Variants in EPHB2 observed in about 807,000 individuals in gnomAD.
EPHB2 encodes ephrin type-B receptor 2.
Under a neutral mutation model 96.4 loss-of-function variants are expected in EPHB2, and 18 were observed. The observed-to-expected ratio is 0.19, with a 90% CI of 0.13 to 0.28. EPHB2 has a LOEUF of 0.28. Among genes scored for constraint, EPHB2 ranks in the 10% least tolerant of loss-of-function variants. EPHB2 has a pLI of 1.00. For synonymous variants in EPHB2, 506 were observed against 534.1 expected, an observed-to-expected ratio of 0.95 and a Z score of 0.72; for missense variants, 989 against 1,355.4, an observed-to-expected ratio of 0.73 and a Z score of 4.25.
At chr1:22,801,765 T>G (rs1172112146) in intron 3 of EPHB2, among the ~76,000 whole-genome samples, 1 of 152,100 alleles carries the variant, frequency 6.6e-6, no homozygotes, top group African/African-American at 2.4e-5. Flanking sequence ...GGGCAGCCCC[T>G]CGTGGGGTCC....
At chr1:22,771,423 G>A (rs80219399) in intron 1 of EPHB2, among the ~76,000 whole-genome samples, 2 of 152,320 alleles carry the variant, frequency 1.3e-5, no homozygotes, top group Non-Finnish European at 2.9e-5. Context: ...ACAGCACCTC[G>A]AGTGCCAACT....
rs954635962 is a variant in EPHB2, at chr1:22,860,770, C to T, written c.812-2267C>T. Among the ~76,000 whole-genome samples the T allele has an allele frequency of 3.3e-5, 5 of 152,168 alleles. No homozygotes were observed. Among genetic ancestry groups the T allele is most frequent in the African/African-American group, 9.7e-5 (4 of 41,428 alleles). ...CTGGAAGCCTTGTGCCCCCATTCTG[C>T]AGAGGAGGAAACCCGTTCAGAGAGG... On this transcript the variant is annotated intron_variant, in intron 3 of 15. Coordinates refer to ENST00000374630, the MANE Select transcript of EPHB2 (RefSeq NM_017449.5). This position sits in a 1 kb window ranked among gnomAD's most constrained non-coding sequence, Gnocchi z 4.6.
intron 5 of EPHB2, among the ~76,000 whole-genome samples, chr1:22,873,805 T>C (rs1160911558): frequency 6.6e-6 from 1 of 152,186 alleles, no homozygotes; most frequent in Non-Finnish European, 1.5e-5. Flanking sequence ...GCCCTCCCTT[T>C]TAAGGAAACT....
intron 1 of EPHB2, among the ~76,000 whole-genome samples, chr1:22,771,996 C>T (rs1312929349): frequency 6.6e-6 from 1 of 152,076 alleles, no homozygotes; most frequent in Non-Finnish European, 1.5e-5. Flanking sequence ...TTAATGTGTC[C>T]AGGGCTGTTC....
At chr1:22,831,674 G>A (rs896173986) in intron 3 of EPHB2, among the ~76,000 whole-genome samples, 7 of 152,128 alleles carry the variant, frequency 4.6e-5, no homozygotes, top group African/African-American at 1.7e-4. Flanking sequence ...GATAGCAAGA[G>A]TTGTTGGAGA....
At chr1:22,819,928 C>T (rs1484687075) in intron 3 of EPHB2, among the ~76,000 whole-genome samples, 1 of 151,978 alleles carries the variant, frequency 6.6e-6, no homozygotes, top group Non-Finnish European at 1.5e-5. Flanking sequence ...TCTGGAAGAG[C>T]CGAGACCAGC....
At chr1:22,857,206 G>C (rs1055666632) in intron 3 of EPHB2, among the ~76,000 whole-genome samples, 1 of 152,148 alleles carries the variant, frequency 6.6e-6, no homozygotes, top group Non-Finnish European at 1.5e-5. Context: ...CTTGGCATTT[G>C]CTCTGGTGGG....
chr1:22,825,500 G>C (rs1011895826), intron 3 of EPHB2, among the ~76,000 whole-genome samples: 3 of 152,204 alleles, frequency 2.0e-5, no homozygotes, highest in Non-Finnish European at 4.4e-5. Context: ...GCCTAGCTTT[G>C]CTGCTACCTT....
chr1:22,775,147 T>C, intron 1 of EPHB2: 1 of 778,182 alleles, frequency 1.3e-6, no homozygotes. Context: ...GTTGTCTGTT[T>C]TTTAAGGCTA....
chr1:22,852,609 G>T (rs1645638975), intron 3 of EPHB2, among the ~76,000 whole-genome samples: 1 of 152,144 alleles, frequency 6.6e-6, no homozygotes, highest in Admixed American at 6.5e-5. Context: ...GGGTCCAGGG[G>T]CTGGGAGAGC....
intron 3 of EPHB2, among the ~76,000 whole-genome samples, chr1:22,801,779 C>T (rs1368500136): frequency 6.6e-6 from 1 of 152,208 alleles, no homozygotes; most frequent in Non-Finnish European, 1.5e-5. Context: ...GGGGTCCCCT[C>T]CCGCCCCCTC....
At position 22,858,184 on chromosome 1, in the gene EPHB2, G is replaced by A. The variant is rs1645731427; in HGVS notation, c.812-4853G>A. 6.6e-6 allele frequency among the ~76,000 whole-genome samples: 1 copy of A among 152,094 alleles called. No homozygotes were observed. Among genetic ancestry groups the A allele is most frequent in the Non-Finnish European group, 1.5e-5 (1 of 68,016 alleles). ...ACAGCTTGGCCAAAGGCCTGGAGGTGAGAGCGCATTCGATGACCACAGGCA... is the reference window on the plus strand; with the variant it reads ...ACAGCTTGGCCAAAGGCCTGGAGGTAAGAGCGCATTCGATGACCACAGGCA... On this transcript the variant is annotated intron_variant, in intron 3 of 15. Coordinates refer to ENST00000374630, the MANE Select transcript of EPHB2 (RefSeq NM_017449.5). This position sits in a 1 kb window ranked among gnomAD's most constrained non-coding sequence, Gnocchi z 7.7.
At chr1:22,711,602 G>C (rs954554820) in intron 1 of EPHB2, among the ~76,000 whole-genome samples, 3 of 151,898 alleles carry the variant, frequency 2.0e-5, no homozygotes, top group Non-Finnish European at 4.4e-5. Context: ...CCCCGCGTCG[G>C]TGCCTGCCCA....
chr1:22,829,903 T>C (rs1489697081), intron 3 of EPHB2, among the ~76,000 whole-genome samples: 2 of 152,078 alleles, frequency 1.3e-5, no homozygotes, highest in African/African-American at 4.8e-5. Flanking sequence ...GAGCTTTTGT[T>C]TGGGCAGCAA....
chr1:22,902,669 G>A (rs189320702), intron 9 of EPHB2, among the ~76,000 whole-genome samples: 1 of 152,344 alleles, frequency 6.6e-6, no homozygotes, highest in African/African-American at 2.4e-5. Flanking sequence ...GCATGAACAA[G>A]ACAGACACAG....
intron 1 of EPHB2, among the ~76,000 whole-genome samples, chr1:22,764,081 C>T (rs1037830934): frequency 1.1e-4 from 17 of 152,182 alleles, no homozygotes; most frequent in East Asian, 9.6e-4. Context: ...CCTGTTGCTA[C>T]GTAAGGCAAC....
rs745510281 is a variant in EPHB2 at position 22,784,963 on chromosome 1, T to A, written c.698T>A (p.Val233Glu). 1.4e-5 allele frequency: 22 copies of A among 1,613,724 alleles called. No individual in the cohort carries two copies. Among genetic ancestry groups the A allele is most frequent in the Non-Finnish European group, 1.9e-5 (22 of 1,180,034 alleles). Residue 233 changes from valine (V) to glutamate (E), a missense_variant, in exon 3 of 16, where the codon GTG becomes GAG. Val to Glu is a moderately radical substitution (Grantham distance 121). Coordinates refer to ENST00000374630, the MANE Select transcript of EPHB2 (RefSeq NM_017449.5). This position sits in a 1 kb window ranked among gnomAD's most constrained non-coding sequence, Gnocchi z 5.1. ...RGSCIANAEE[V>E]DVPIKLYCNG... Reference sequence around the variant, plus strand: ...AGCTGCATCGCCAATGCGGAAGAGGTGGATGTACCCATCAAGCTCTACTGT... The same window carrying A: ...AGCTGCATCGCCAATGCGGAAGAGGAGGATGTACCCATCAAGCTCTACTGT...
At chr1:22,810,660 A>C (rs962688389) in intron 3 of EPHB2, among the ~76,000 whole-genome samples, 33 of 152,164 alleles carry the variant, frequency 2.2e-4, no homozygotes, top group Non-Finnish European at 4.0e-4. Flanking sequence ...TCCCATGACA[A>C]GGGGCACATT....
At chr1:22,805,862 C>T (rs149634294) in intron 3 of EPHB2, among the ~76,000 whole-genome samples, 75 of 152,320 alleles carry the variant, frequency 4.9e-4, no homozygotes, top group Middle Eastern at 3.4e-3. Context: ...GCTAAAGCAG[C>T]CGCCTGGGGT....
Sources: allele counts gnomAD v4.1 joint callset (sites outside exome capture counted in the v4.1 genomes callset), GRCh38; gene constraint gnomAD v4.1.1; non-coding constraint Gnocchi (gnomAD v3.1); transcripts MANE v1.5; gene names NCBI Gene and HGNC (gene_info 2026-07-23, HGNC 2026-07-21).